The following ANO2 variants were observed in gnomAD, a reference collection of about 807,000 sequenced individuals.
ANO2 encodes the protein anoctamin 2, also known as anoctamin-2.
A neutral mutation model predicts 124.2 loss-of-function variants in ANO2; 101 were observed. The observed-to-expected ratio is 0.81, with a 90% CI of 0.69 to 0.96. The LOEUF is 0.96. Ranked by LOEUF, ANO2 falls within the 40% of genes least tolerant of loss-of-function variation. The probability of loss-of-function intolerance (pLI) is 0.00; values close to 1 mark genes in which losing one functional copy is unlikely to be tolerated. For synonymous variants in ANO2, 486 were observed against 482.5 expected (o/e 1.01, Z -0.09); for missense variants, 1,293 against 1,274.5 (o/e 1.01, Z -0.22).
chr12:5,565,066 T>TCAGG (rs1941669393), intron 24 of ANO2, among the ~76,000 whole-genome samples: 1 of 152,000 alleles, frequency 6.6e-6, no homozygotes, highest in Admixed American at 6.6e-5. Flanking sequence ...TGCTATTCAT[T>TCAGG]CAGGGATGGC....
chr12:5,732,421 T>C (rs1052035856), intron 14 of ANO2, 99 bp downstream of exon 14: 5 of 984,016 alleles, frequency 5.1e-6, no homozygotes, highest in African/African-American at 1.6e-5. Flanking sequence ...ATCAACCCCT[T>C]CTCAAGCCCA....
intron 17 of ANO2, among the ~76,000 whole-genome samples, chr12:5,614,807 C>T (rs1035281732): frequency 6.6e-6 from 1 of 152,084 alleles, no homozygotes; most frequent in Non-Finnish European, 1.5e-5. Flanking sequence ...GGGGCCGTGC[C>T]CTTAACCTAT....
At chr12:5,861,751 T>G (rs944882390) in intron 3 of ANO2, among the ~76,000 whole-genome samples, 6 of 152,104 alleles carry the variant, frequency 3.9e-5, no homozygotes, top group Non-Finnish European at 7.4e-5. Flanking sequence ...ACAGACTCCC[T>G]TGGACTCCCC....
chr12:5,826,620 G>A (rs938958527), intron 7 of ANO2, among the ~76,000 whole-genome samples: 1 of 151,934 alleles, frequency 6.6e-6, no homozygotes, highest in African/African-American at 2.4e-5. Context: ...TTGTTATTTG[G>A]AATCTTGTAG....
At chr12:5,897,694 G>T (rs1939889540) in intron 3 of ANO2, among the ~76,000 whole-genome samples, 1 of 151,372 alleles carries the variant, frequency 6.6e-6, no homozygotes, top group South Asian at 2.1e-4. Context: ...TATCAAAGTG[G>T]GGAAAAATTA....
At chr12:5,910,921 G>A (rs975723500) in intron 3 of ANO2, among the ~76,000 whole-genome samples, 5 of 152,228 alleles carry the variant, frequency 3.3e-5, no homozygotes, top group South Asian at 2.1e-4. Flanking sequence ...CACAGTCCAC[G>A]CCAGCATCTC....
At chr12:5,707,222 GC>G (rs1949646604) in intron 14 of ANO2, among the ~76,000 whole-genome samples, 1 of 151,864 alleles carries the variant, frequency 6.6e-6, no homozygotes. Flanking sequence ...CTCTCCTGCC[GC>G]CATATAAGAT....
intron 7 of ANO2, among the ~76,000 whole-genome samples, chr12:5,826,672 C>T (rs1953967601): frequency 1.3e-5 from 2 of 151,980 alleles, no homozygotes; most frequent in Admixed American, 1.3e-4. Flanking sequence ...AACATAATTG[C>T]CCTGTTGAGA....
intron 3 of ANO2, among the ~76,000 whole-genome samples, chr12:5,883,850 T>G (rs555298019): frequency 6.6e-6 from 1 of 152,358 alleles, no homozygotes; most frequent in East Asian, 1.9e-4. Flanking sequence ...GTAATTAGAA[T>G]TAATTGTTAT....
intron 19 of ANO2, among the ~76,000 whole-genome samples, chr12:5,601,284 A>C (rs1943925316): frequency 6.6e-6 from 1 of 152,216 alleles, no homozygotes; most frequent in African/African-American, 2.4e-5. Context: ...ATTTATCAAG[A>C]TAAATAAAGA....
chr12:5,905,471 G>C (rs138752227), intron 3 of ANO2, among the ~76,000 whole-genome samples: 75 of 152,296 alleles, frequency 4.9e-4, no homozygotes, highest in African/African-American at 1.8e-3. Flanking sequence ...GGATCAGAGA[G>C]GGAGGGGCCC....
chr12:5,645,988 G>A (rs573335163), intron 15 of ANO2, among the ~76,000 whole-genome samples: 29 of 152,252 alleles, frequency 1.9e-4, no homozygotes, highest in Non-Finnish European at 3.1e-4. Flanking sequence ...TCCCTTTTCT[G>A]CTTAGATCCA....
intron 14 of ANO2, among the ~76,000 whole-genome samples, chr12:5,662,722 AT>A (rs1319367700): frequency 1.3e-5 from 2 of 152,250 alleles, no homozygotes; most frequent in African/African-American, 4.8e-5. Flanking sequence ...ATGGTATTTG[AT>A]AACACTGAAC....
intron 19 of ANO2, among the ~76,000 whole-genome samples, chr12:5,610,819 T>TACAC (rs766401385): frequency 0.045 from 4,946 of 110,770 alleles, 145 homozygotes; most frequent in African/African-American, 0.094. Context: ...GAGTTGTCCA[T>TACAC]ACACACACAC....
chr12:5,674,419 A>G (rs1444085711), intron 14 of ANO2, among the ~76,000 whole-genome samples: 1 of 117,408 alleles, frequency 8.5e-6, no homozygotes, highest in Non-Finnish European at 2.1e-5. Flanking sequence ...CCACATAAAC[A>G]TGTCAACTCT....
At chr12:5,784,609 A>G (rs1485035087) in intron 10 of ANO2, among the ~76,000 whole-genome samples, 1 of 152,172 alleles carries the variant, frequency 6.6e-6, no homozygotes, top group African/African-American at 2.4e-5. Context: ...CAAAGCAAAA[A>G]TCTACATGTC....
At chr12:5,583,450 G>T (rs569857297) in intron 20 of ANO2, among the ~76,000 whole-genome samples, 1 of 151,728 alleles carries the variant, frequency 6.6e-6, no homozygotes, top group Non-Finnish European at 1.5e-5. Context: ...TCAGGAGATC[G>T]AGACCATCTT....
chr12:5,751,855 G>A (rs1951450604), intron 10 of ANO2, among the ~76,000 whole-genome samples: 1 of 152,042 alleles, frequency 6.6e-6, no homozygotes, highest in Non-Finnish European at 1.5e-5. Flanking sequence ...CTGAAATTTT[G>A]TACCTTTTGA....
intron 12 of ANO2, among the ~76,000 whole-genome samples, chr12:5,743,583 G>A (rs979188079): frequency 7.9e-5 from 12 of 152,182 alleles, no homozygotes; most frequent in African/African-American, 2.6e-4. Flanking sequence ...GGAGAAAAAT[G>A]AAGGAATTAT....
Sources: gnomAD v4.1 joint callset for allele counts (sites outside exome capture counted in the v4.1 genomes callset) on GRCh38, gnomAD v4.1.1 for gene constraint, MANE v1.5 for transcripts, NCBI Gene and HGNC (gene_info 2026-07-23, HGNC 2026-07-21) for gene names.